Variants in PIEZO2 observed in about 807,000 individuals in gnomAD.
The protein encoded by PIEZO2 is piezo type mechanosensitive ion channel component 2.
PIEZO2 carries 172 observed loss-of-function variants against 337.3 expected under a neutral mutation model. The ratio of observed to expected loss-of-function variants is 0.51; its 90% CI spans 0.45 to 0.58. The LOEUF (loss-of-function observed/expected upper bound fraction) is 0.58, where lower values mean the gene tolerates loss of function less well. Ranked by LOEUF, PIEZO2 falls within the 20% of genes least tolerant of loss-of-function variation. The probability of loss-of-function intolerance (pLI) is 0.00; values close to 1 mark genes in which losing one functional copy is unlikely to be tolerated. For missense variants in PIEZO2, 3,028 were observed against 3,391.3 expected (o/e 0.89, Z 2.66); for synonymous variants, 1,251 against 1,228.5 (o/e 1.02, Z -0.38).
rs2036014446 is a variant in PIEZO2, at chr18:10,716,455, T to C, written c.5090-639A>G. On this transcript the variant is annotated intron_variant, in intron 37 of 55. Transcript: ENST00000674853. This position sits in a 1 kb window ranked among gnomAD's most constrained non-coding sequence, Gnocchi z 4.1. ...TTTCCCACCTGTGCTGTCACTACCC[T>C]GGTGACACCCAAACCTCAAAACCAT... 6.6e-6 allele frequency among the ~76,000 whole-genome samples: 1 copy of C among 152,230 alleles called. No homozygotes were observed. The highest frequency in any genetic ancestry group is 6.5e-5 in the Admixed American group (1 of 15,292).
chr18:11,139,671 C>A (rs573510782), intron 1 of PIEZO2, among the ~76,000 whole-genome samples: 7 of 152,282 alleles, frequency 4.6e-5, no homozygotes, highest in East Asian at 1.9e-4. Flanking sequence ...AATGAAGACA[C>A]TTGTTACTCA....
chr18:11,145,384 T>C lies in PIEZO2; in HGVS notation c.64+3141A>G, dbSNP rs1037800214. ...AGAAAAAAAATCTGTAACCATTATATTAAACACAATAGCAGTTAATTTTTA... is the reference window on the plus strand; with the variant it reads ...AGAAAAAAAATCTGTAACCATTATACTAAACACAATAGCAGTTAATTTTTA... On this transcript the variant is annotated intron_variant, in intron 1 of 55. Transcript: ENST00000674853. Among the ~76,000 whole-genome samples, 3 of 152,178 alleles carry C rather than the reference T, an allele frequency of 2.0e-5. No individual in the cohort carries two copies. In the South Asian group the frequency reaches 6.2e-4, roughly 31 times the overall value.
intron 7 of PIEZO2, among the ~76,000 whole-genome samples, chr18:10,807,796 T>C (rs769309161): frequency 6.6e-6 from 1 of 152,174 alleles, no homozygotes; most frequent in African/African-American, 2.4e-5. Context: ...AAAATTTCTG[T>C]AAGATATATT....
At chr18:10,738,498 T>G (rs1312753360) in intron 33 of PIEZO2, 1 of 152,096 alleles carries the variant, frequency 6.6e-6, no homozygotes, top group Admixed American at 6.6e-5. Flanking sequence ...TGTAAAAAAG[T>G]CTCTTATTTC....
chr18:10,994,615 G>C (rs1394761582), intron 2 of PIEZO2, among the ~76,000 whole-genome samples: 1 of 149,240 alleles, frequency 6.7e-6, no homozygotes, highest in African/African-American at 2.5e-5. Flanking sequence ...TCACCATGTT[G>C]GTCAGGCTGG....
rs1338130059 is a variant in PIEZO2, at chr18:11,122,932, TATATATAAGTTATATGATAGCATTG to T, written c.64+25568_64+25592del. Among the ~76,000 whole-genome samples, 198 of 151,058 alleles carry T rather than the reference TATATATAAGTTATATGATAGCATTG, an allele frequency of 1.3e-3. 1 individual carries two copies. The Middle Eastern group carries it at 0.014, about 11-fold the overall frequency. ...ATAACATATATATCTATGTATATGTTATATATAAGTTATATGATAGCATTGATATATATGTTATATATCAATGCAT... is the reference window on the plus strand; with the variant it reads ...ATAACATATATATCTATGTATATGTTATATATATGTTATATATCAATGCAT... On this transcript the variant is annotated intron_variant, in intron 1 of 55. Coordinates refer to ENST00000674853, the MANE Select transcript of PIEZO2 (RefSeq NM_001378183.1).
At chr18:10,875,695 C>T (rs1228730159) in intron 4 of PIEZO2, among the ~76,000 whole-genome samples, 3 of 152,192 alleles carry the variant, frequency 2.0e-5, no homozygotes, top group African/African-American at 7.2e-5. Context: ...CTGCTTCTTA[C>T]ACCACAACAG....
Position 10,672,560 on chromosome 18 carries a change from G to T in PIEZO2, c.8345+130C>A. The T allele has an allele frequency of 1.5e-5, 15 of 976,214 alleles. No individual in the cohort carries two copies. The highest frequency in any genetic ancestry group is 2.3e-5 in the Non-Finnish European group (15 of 659,768). The allele number at this position is 976,214 out of a possible 1,614,324, so 60.5% of individuals were successfully genotyped here. On this transcript the variant is annotated intron_variant, in intron 55 of 55. Transcript: ENST00000674853. This position sits in a 1 kb window ranked among gnomAD's most constrained non-coding sequence, Gnocchi z 4.7. ...ATTTTTTGAAATAAAATGCACACAA[G>T]GATGTGTGCATTTTAATACTGCAGC...
In PIEZO2 at chr18:10,979,806, C is replaced by T. The variant is rs2034595691; in HGVS notation, c.161-146G>A. The T allele has an allele frequency of 1.4e-6, 1 of 690,558 alleles. No homozygotes were observed. The highest frequency in any genetic ancestry group is 2.1e-6 in the Non-Finnish European group (1 of 473,806). The allele number at this position is 690,558 out of a possible 1,614,324, so 42.8% of individuals were successfully genotyped here. A position where few individuals can be genotyped will look rare whatever the true frequency, so the allele number is the denominator to read the frequency against. On this transcript the variant is annotated intron_variant, in intron 2 of 55. Coordinates refer to ENST00000674853, the MANE Select transcript of PIEZO2 (RefSeq NM_001378183.1). The surrounding 1 kb of genome is among the most constrained non-coding windows in gnomAD (Gnocchi z 4.0). ...AATAATTATCATCTTAATTATTAGT[C>T]TATAGCTAAATGGTATCTTATTCCC...
rs530307724 is a variant in PIEZO2, at chr18:10,682,647, A to T, written c.7498-355T>A. 6.6e-6 allele frequency among the ~76,000 whole-genome samples: 1 copy of T among 152,252 alleles called. No homozygotes were observed. Among genetic ancestry groups the T allele is most frequent in the South Asian group, 2.1e-4 (1 of 4,822 alleles). ...CGAATGAACCTTCTGGTTTTAAGGG[A>T]TTATGTGAGAGAAAGATACTTTACT... On this transcript the variant is annotated intron_variant, in intron 49 of 55. Coordinates refer to ENST00000674853, the MANE Select transcript of PIEZO2 (RefSeq NM_001378183.1). This position sits in a 1 kb window ranked among gnomAD's most constrained non-coding sequence, Gnocchi z 5.6.
At chr18:10,865,846 G>A (rs564701132) in intron 5 of PIEZO2, among the ~76,000 whole-genome samples, 31 of 151,782 alleles carry the variant, frequency 2.0e-4, no homozygotes, top group Middle Eastern at 6.8e-3. Flanking sequence ...TTCATCTCAG[G>A]CTCTACTCTA....
intron 1 of PIEZO2, among the ~76,000 whole-genome samples, chr18:11,144,464 A>G (rs887341173): frequency 3.9e-5 from 6 of 152,190 alleles, no homozygotes; most frequent in African/African-American, 1.4e-4. Flanking sequence ...TGCTGATCAC[A>G]TAGACATTAG....
rs1052698066 is a variant in PIEZO2 at position 11,078,873 on chromosome 18, G to A, written c.65-12651C>T. ...TGTGTTACTGAGAATGGAGAGGGGT[G>A]AAAAAGAATCCTTGCAGGGACCAGT... On this transcript the variant is annotated intron_variant, in intron 1 of 55. Coordinates refer to ENST00000674853, the MANE Select transcript of PIEZO2 (RefSeq NM_001378183.1). The surrounding 1 kb of genome is among the most constrained non-coding windows in gnomAD (Gnocchi z 5.3). 6.6e-6 allele frequency among the ~76,000 whole-genome samples: 1 copy of A among 152,184 alleles called. No individual in the cohort carries two copies. Among genetic ancestry groups the A allele is most frequent in the Non-Finnish European group, 1.5e-5 (1 of 68,022 alleles).
At chr18:10,984,935 T>C (rs929213411) in intron 2 of PIEZO2, among the ~76,000 whole-genome samples, 51 of 152,074 alleles carry the variant, frequency 3.4e-4, no homozygotes, top group Non-Finnish European at 3.7e-4. Flanking sequence ...TGGGATAATA[T>C]ATTCAAAGTG....
chr18:10,987,864 A>G (rs2145533607), intron 2 of PIEZO2, among the ~76,000 whole-genome samples: 1 of 152,284 alleles, frequency 6.6e-6, no homozygotes, highest in East Asian at 1.9e-4. Context: ...AACCACATTA[A>G]CAAAAAGGCA....
chr18:10,970,718 T>C (rs575533570), intron 3 of PIEZO2, among the ~76,000 whole-genome samples: 8 of 147,710 alleles, frequency 5.4e-5, no homozygotes, highest in Non-Finnish European at 1.2e-4. Flanking sequence ...GGGTGTGAGA[T>C]ATGGTGAGTC....
At chr18:11,118,718 G>A (rs1195762317) in intron 1 of PIEZO2, among the ~76,000 whole-genome samples, 3 of 151,634 alleles carry the variant, frequency 2.0e-5, no homozygotes, top group Admixed American at 6.6e-5. Context: ...TTAATAAGTT[G>A]GTCAAATGAA....
rs1377675444 is a variant in PIEZO2, at chr18:11,031,041, G to T, written c.160+35086C>A. Among the ~76,000 whole-genome samples, 1 of 152,176 alleles carries T rather than the reference G, an allele frequency of 6.6e-6. No homozygotes were observed. The highest frequency in any genetic ancestry group is 1.5e-5 in the Non-Finnish European group (1 of 68,036). On this transcript the variant is annotated intron_variant, in intron 2 of 55. Transcript: ENST00000674853. The surrounding 1 kb of genome is among the most constrained non-coding windows in gnomAD (Gnocchi z 4.7). ...GTCTTGCTCTGTTGCCCAGGCTGGA[G>T]TGCAGTGGCGTGATCTTGGCTCATT...
chr18:11,103,895 G>A (rs892987218), intron 1 of PIEZO2, among the ~76,000 whole-genome samples: 2 of 151,830 alleles, frequency 1.3e-5, no homozygotes, highest in African/African-American at 4.8e-5. Flanking sequence ...GAGCAATCTC[G>A]GCTCACTGCA....
Sources: gnomAD v4.1 joint callset for allele counts (sites outside exome capture counted in the v4.1 genomes callset) on GRCh38, gnomAD v4.1.1 for gene constraint, Gnocchi (gnomAD v3.1) non-coding constraint, MANE v1.5 for transcripts, NCBI Gene and HGNC (gene_info 2026-07-23, HGNC 2026-07-21) for gene names.